Variants in MICAL3 observed in about 807,000 individuals in gnomAD.
MICAL3 encodes microtubule associated monooxygenase, calponin and LIM domain containing 3.
A neutral mutation model predicts 207.4 loss-of-function variants in MICAL3; 62 were observed. The observed-to-expected ratio is 0.30, with a 90% CI of 0.24 to 0.37. The LOEUF (loss-of-function observed/expected upper bound fraction) is 0.37, where lower values mean the gene tolerates loss of function less well. Ranked by LOEUF, MICAL3 falls within the 10% of genes least tolerant of loss-of-function variation. The pLI is 1.00. For synonymous variants in MICAL3, 1,077 were observed against 1,069.3 expected (o/e 1.01, Z -0.14); for missense variants, 2,368 against 2,635.6 (o/e 0.90, Z 2.22).
intron 1 of MICAL3, among the ~76,000 whole-genome samples, chr22:17,989,939 A>G (rs187272813): frequency 8.8e-4 from 134 of 152,270 alleles, no homozygotes; most frequent in African/African-American, 3.1e-3. Flanking sequence ...TGTTGTGTAT[A>G]TTACCCTGGC....
In MICAL3 at chr22:17,963,642, C is replaced by A. The variant is rs186163012; in HGVS notation, c.-74-56756G>T. Among the ~76,000 whole-genome samples, 24 of 152,260 alleles carry A rather than the reference C, an allele frequency of 1.6e-4. No individual in the cohort carries two copies. The South Asian group carries it at 1.7e-3, about 11-fold the overall frequency. ...TGAGACTCTTCCTGTGAGCCCGCAC[C>A]CCATCAACGTGCTCCATAAGCCATA... On this transcript the variant is annotated intron_variant, in intron 1 of 31. Coordinates refer to ENST00000441493, the MANE Select transcript of MICAL3 (RefSeq NM_015241.3).
chr22:17,977,476 G>C (rs1935708136), intron 1 of MICAL3, among the ~76,000 whole-genome samples: 1 of 151,744 alleles, frequency 6.6e-6, no homozygotes, highest in South Asian at 2.1e-4. Flanking sequence ...CAACCATTAG[G>C]GAAATGCAAA....
At chr22:17,838,750 C>A (rs1923674148) in intron 20 of MICAL3, among the ~76,000 whole-genome samples, 1 of 152,156 alleles carries the variant, frequency 6.6e-6, no homozygotes, top group Admixed American at 6.6e-5. Context: ...AGTTCCTTGG[C>A]TGGAACGGTT....
intron 16 of MICAL3, among the ~76,000 whole-genome samples, chr22:17,880,443 G>A (rs899999018): frequency 6.6e-6 from 1 of 152,208 alleles, no homozygotes; most frequent in Non-Finnish European, 1.5e-5. Context: ...ACCTGCAACG[G>A]CTCAGTTCTG....
chr22:17,882,852 C>A (rs946620513), intron 16 of MICAL3, among the ~76,000 whole-genome samples: 1 of 152,224 alleles, frequency 6.6e-6, no homozygotes, highest in African/African-American at 2.4e-5. Flanking sequence ...TTCTATTCCA[C>A]TGCCCACACA....
chr22:17,857,324 G>T (rs1045493319), intron 19 of MICAL3, among the ~76,000 whole-genome samples: 6 of 152,296 alleles, frequency 3.9e-5, no homozygotes, highest in Middle Eastern at 3.4e-3. Flanking sequence ...ATTGTGAAGT[G>T]AGCATGTGAG....
chr22:17,805,401 G>C (rs990554493), intron 29 of MICAL3, among the ~76,000 whole-genome samples: 4 of 152,258 alleles, frequency 2.6e-5, no homozygotes, highest in Non-Finnish European at 5.9e-5. Context: ...TCACGTAAGA[G>C]AAGGAACATA....
chr22:17,818,256 G>C lies in MICAL3; in HGVS notation c.4405C>G (p.Pro1469Ala). Residue 1469 changes from proline to alanine, a missense_variant, in exon 26 of 32, where the codon CCC (proline) becomes GCC (alanine). Coordinates refer to ENST00000441493, the MANE Select transcript of MICAL3 (RefSeq NM_015241.3). ...CTGAGCTTCCTCCGCAAGGTGGCGG[G>C]CTCCTCGCCCGGGGGTGGCGGTGGG... ...PPPPPPPGEE[P>A]ATLRRKLREA... 1 of 1,509,048 alleles carries C rather than the reference G, an allele frequency of 6.6e-7. No homozygotes were observed. Among genetic ancestry groups the C allele is most frequent in the Non-Finnish European group, 8.8e-7 (1 of 1,130,234 alleles). The allele number at this position is 1,509,048 out of a possible 1,614,324, so 93.5% of individuals were successfully genotyped here.
intron 1 of MICAL3, among the ~76,000 whole-genome samples, chr22:18,008,767 A>G (rs2146500755): frequency 6.6e-6 from 1 of 152,010 alleles, no homozygotes; most frequent in Middle Eastern, 3.4e-3. Flanking sequence ...GCATGTTTTC[A>G]CCCTGCCAGG....
At chr22:17,836,988 CT>C (rs1165725233) in intron 20 of MICAL3, among the ~76,000 whole-genome samples, 3 of 152,218 alleles carry the variant, frequency 2.0e-5, no homozygotes, top group Admixed American at 6.5e-5. Context: ...ATGGTTTTCA[CT>C]TTTAAATTAA....
chr22:17,796,568 A>G lies in MICAL3; in HGVS notation c.5651-5267T>C, dbSNP rs1360393827. Among the ~76,000 whole-genome samples, 1 of 152,212 alleles carries G rather than the reference A, an allele frequency of 6.6e-6. No homozygotes were observed. The highest frequency in any genetic ancestry group is 1.5e-5 in the Non-Finnish European group (1 of 68,040). ...ATCTTCTTGCCCACTCTGAACTCAG[A>G]GCTTTCCCTCTTCAACACAGGCTCC... On this transcript the variant is annotated intron_variant, in intron 29 of 31. Coordinates refer to ENST00000441493, the MANE Select transcript of MICAL3 (RefSeq NM_015241.3). This position sits in a 1 kb window ranked among gnomAD's most constrained non-coding sequence, Gnocchi z 4.4.
chr22:17,881,211 G>A, intron 16 of MICAL3: 1 of 1,612,348 alleles, frequency 6.2e-7, no homozygotes, highest in Non-Finnish European at 8.5e-7. Flanking sequence ...TCACCTGCTG[G>A]CCGCCATGTG....
In MICAL3 at chr22:17,891,613, G is replaced by T. The variant is rs771669045; in HGVS notation, c.1566C>A (p.Ser522Arg). 43 of 1,613,858 alleles carry T rather than the reference G, an allele frequency of 2.7e-5. No individual in the cohort carries two copies. The highest frequency in any genetic ancestry group is 3.4e-5 in the Non-Finnish European group (40 of 1,179,874). Residue 522 changes from serine (S) to arginine (R), a missense_variant, in exon 12 of 32, where the codon AGC (serine) becomes AGA (arginine). Coordinates refer to ENST00000441493, the MANE Select transcript of MICAL3 (RefSeq NM_015241.3). ...LTRNESVARSSKLLGWCQRQT... is the reference protein window; with the variant it reads ...LTRNESVARSRKLLGWCQRQT... ...GCCTCTGGCACCAACCCAGCAGTTT[G>T]CTTGAACGAGCTACAGACTCTAAAA...
intron 1 of MICAL3, among the ~76,000 whole-genome samples, chr22:17,922,805 G>A (rs920709999): frequency 2.0e-5 from 3 of 152,120 alleles, no homozygotes; most frequent in Admixed American, 2.0e-4. Context: ...GAAAGGAATG[G>A]GGAATGAGGG....
Position 17,841,453 on chromosome 22 carries a change from G to A in MICAL3, c.2801+369C>T, listed in dbSNP as rs1375514601. On this transcript the variant is annotated intron_variant, in intron 20 of 31. Coordinates refer to ENST00000441493, the MANE Select transcript of MICAL3 (RefSeq NM_015241.3). This position sits in a 1 kb window ranked among gnomAD's most constrained non-coding sequence, Gnocchi z 4.2. ...GGACGGACTAGGCCTCCCTCAAGAC[G>A]GCCCGGTGCACTGGTGGCTGAATCA... The A allele has an allele frequency of 2.6e-5, 11 of 426,596 alleles. No homozygotes were observed. Among genetic ancestry groups the A allele is most frequent in the African/African-American group, 5.8e-5 (3 of 51,294 alleles). 26.4% of individuals were successfully genotyped at this position (426,596 alleles called of 1,614,324 possible). A position where few individuals can be genotyped will look rare whatever the true frequency, so the allele number is the denominator to read the frequency against.
At chr22:17,869,085 G>A (rs374625693) in intron 17 of MICAL3, among the ~76,000 whole-genome samples, 1 of 152,262 alleles carries the variant, frequency 6.6e-6, no homozygotes, top group East Asian at 1.9e-4. Flanking sequence ...GCAGAGCCAC[G>A]TCCTAAGGGA....
At chr22:18,004,278 T>C (rs1472509717) in intron 1 of MICAL3, 1 of 152,254 alleles carries the variant, frequency 6.6e-6, no homozygotes, top group African/African-American at 2.4e-5. Context: ...TTTTTTCTTT[T>C]TCTTTTGAGA....
intron 17 of MICAL3, among the ~76,000 whole-genome samples, chr22:17,867,035 TAA>T (rs1408217620): frequency 6.6e-6 from 1 of 152,188 alleles, no homozygotes; most frequent in Non-Finnish European, 1.5e-5. Flanking sequence ...AAAGCTACAA[TAA>T]GAGGACCTAA....
chr22:17,819,213 G>A, intron 25 of MICAL3, 84 bp from the exon 26 acceptor site: 2 of 1,354,398 alleles, frequency 1.5e-6, no homozygotes, highest in Non-Finnish European at 1.9e-6. Context: ...CTCACTCAAA[G>A]TGCCTGCACC....
Sources: allele counts gnomAD v4.1 joint callset (sites outside exome capture counted in the v4.1 genomes callset), GRCh38; gene constraint gnomAD v4.1.1; non-coding constraint Gnocchi (gnomAD v3.1); transcripts MANE v1.5; gene names NCBI Gene and HGNC (gene_info 2026-07-23, HGNC 2026-07-21).